The following RANBP9 variants were observed in gnomAD, a reference collection of about 807,000 sequenced individuals.
The protein encoded by RANBP9 is ran-binding protein 9.
In RANBP9, 15 loss-of-function variants were observed where a neutral mutation model predicts 84.3. The ratio of observed to expected loss-of-function variants is 0.18; its 90% CI spans 0.12 to 0.27. The LOEUF (loss-of-function observed/expected upper bound fraction) is 0.27, where lower values mean the gene tolerates loss of function less well. RANBP9 is among the 10% of genes least tolerant of loss of function. The pLI, the probability that RANBP9 is intolerant of heterozygous loss-of-function variation, is 1.00. For missense variants in RANBP9, 809 were observed against 912.8 expected (o/e 0.89, Z 1.46); for synonymous variants, 392 against 349.6 (o/e 1.12, Z -1.35).
intron 11 of RANBP9, 59 bp downstream of exon 11, chr6:13,634,372 A>G (rs767847348): frequency 9.6e-6 from 15 of 1,568,732 alleles, no homozygotes; most frequent in Non-Finnish European, 1.2e-5. Context: ...AGTACAAGTA[A>G]AAACATAACC....
At chr6:13,630,955 G>A (rs1056221289) in intron 12 of RANBP9, among the ~76,000 whole-genome samples, 3 of 151,698 alleles carry the variant, frequency 2.0e-5, no homozygotes, top group Non-Finnish European at 2.9e-5. Flanking sequence ...GACTACCGGC[G>A]CCCGCCACCA....
At chr6:13,650,532 C>A (rs1765273128) in intron 5 of RANBP9, among the ~76,000 whole-genome samples, 1 of 152,120 alleles carries the variant, frequency 6.6e-6, no homozygotes, top group African/African-American at 2.4e-5. Flanking sequence ...TCAATGCCTG[C>A]ACAGGAGCGA....
At chr6:13,649,024 A>G (rs992434109) in intron 5 of RANBP9, among the ~76,000 whole-genome samples, 4 of 152,226 alleles carry the variant, frequency 2.6e-5, no homozygotes, top group African/African-American at 9.6e-5. Flanking sequence ...CTTATATTCC[A>G]TAACAGGTGC....
rs1014677118 is a variant in RANBP9, at chr6:13,621,532, A to T, written c.*830T>A. 6.5e-6 allele frequency: 1 copy of T among 152,678 alleles called. No individual in the cohort carries two copies. The highest frequency in any genetic ancestry group is 2.4e-5 in the African/African-American group (1 of 41,450). 9.5% of individuals were successfully genotyped at this position (152,678 alleles called of 1,614,324 possible). A position where few individuals can be genotyped will look rare whatever the true frequency, so the allele number is the denominator to read the frequency against. On this transcript the variant is annotated 3_prime_UTR_variant, in exon 14 of 14. Transcript: ENST00000011619. Reference sequence around the variant, plus strand: ...GTAAATTTTTAATGGCTGGTTAATTATATCACTACATTTTATTGCAATATA... The same window carrying T: ...GTAAATTTTTAATGGCTGGTTAATTTTATCACTACATTTTATTGCAATATA...
At chr6:13,693,290 T>A (rs920509621) in intron 2 of RANBP9, among the ~76,000 whole-genome samples, 1 of 152,116 alleles carries the variant, frequency 6.6e-6, no homozygotes, top group Non-Finnish European at 1.5e-5. Flanking sequence ...GAAGAGCAGG[T>A]GAGAATTAGG....
At chr6:13,677,454 T>G (rs1765918635) in intron 2 of RANBP9, among the ~76,000 whole-genome samples, 1 of 152,194 alleles carries the variant, frequency 6.6e-6, no homozygotes, top group South Asian at 2.1e-4. Context: ...ACTGACACAG[T>G]AAGAGGGATC....
chr6:13,655,416 G>A (rs904786177), intron 4 of RANBP9, among the ~76,000 whole-genome samples: 3 of 152,170 alleles, frequency 2.0e-5, no homozygotes, highest in Non-Finnish European at 4.4e-5. Flanking sequence ...GTTCTGAGCC[G>A]AGATCACATC....
chr6:13,710,472 T>C (rs1758246917), intron 1 of RANBP9, among the ~76,000 whole-genome samples: 4 of 152,184 alleles, frequency 2.6e-5, no homozygotes, highest in Admixed American at 2.6e-4. Context: ...TGTGTATCCC[T>C]GCTCTCTCTT....
At chr6:13,708,225 T>C (rs1435519005) in intron 1 of RANBP9, among the ~76,000 whole-genome samples, 1 of 151,818 alleles carries the variant, frequency 6.6e-6, no homozygotes, top group Non-Finnish European at 1.5e-5. Context: ...CATTCAACAC[T>C]AGCCTAGGCA....
intron 2 of RANBP9, among the ~76,000 whole-genome samples, chr6:13,664,047 G>T (rs1437300249): frequency 6.6e-6 from 1 of 151,964 alleles, no homozygotes; most frequent in Non-Finnish European, 1.5e-5. Flanking sequence ...GCAAAAAAGA[G>T]AAATAAAATG....
intron 3 of RANBP9, among the ~76,000 whole-genome samples, chr6:13,657,899 T>C (rs1053421897): frequency 6.6e-6 from 1 of 152,216 alleles, no homozygotes; most frequent in Non-Finnish European, 1.5e-5. Context: ...TACAATCAGA[T>C]GCAACTACAT....
chr6:13,656,786 G>A (rs917888616), intron 4 of RANBP9, among the ~76,000 whole-genome samples: 4 of 152,132 alleles, frequency 2.6e-5, no homozygotes, highest in African/African-American at 9.7e-5. Context: ...GTTACCCAGA[G>A]AATTAGATTA....
At chr6:13,666,257 A>G (rs2113298485) in intron 2 of RANBP9, among the ~76,000 whole-genome samples, 1 of 152,272 alleles carries the variant, frequency 6.6e-6, no homozygotes, top group South Asian at 2.1e-4. Context: ...TCAACTGATG[A>G]AAAGAGGAAT....
At chr6:13,651,595 G>A (rs1400214779) in intron 5 of RANBP9, among the ~76,000 whole-genome samples, 1 of 151,194 alleles carries the variant, frequency 6.6e-6, no homozygotes, top group East Asian at 1.9e-4. Flanking sequence ...AGAGACGGGG[G>A]TTCACCGTGT....
chr6:13,695,307 A>C (rs549804335), intron 2 of RANBP9, among the ~76,000 whole-genome samples: 181 of 152,068 alleles, frequency 1.2e-3, no homozygotes, highest in African/African-American at 4.2e-3. Context: ...TAAATAATTG[A>C]GATCTGACAA....
chr6:13,630,777 T>C (rs1422566644), intron 12 of RANBP9, among the ~76,000 whole-genome samples: 1 of 152,194 alleles, frequency 6.6e-6, no homozygotes, highest in African/African-American at 2.4e-5. Context: ...ACAGCTCACC[T>C]ATTAAACCAA....
chr6:13,710,783 G>T, intron 1 of RANBP9, 152 bp downstream of exon 1: 1 of 773,884 alleles, frequency 1.3e-6, no homozygotes, highest in Non-Finnish European at 2.0e-6. Context: ...CGCGACCCCC[G>T]CGCCCACCCG....
intron 5 of RANBP9, among the ~76,000 whole-genome samples, chr6:13,650,188 G>A (rs1461740982): frequency 6.7e-6 from 1 of 149,118 alleles, no homozygotes; most frequent in African/African-American, 2.5e-5. Context: ...TTTAGTAGAG[G>A]TGAGATCTCA....
chr6:13,638,058 T>C (rs903606164), intron 9 of RANBP9, 103 bp from the exon 10 acceptor site: 222 of 1,078,834 alleles, frequency 2.1e-4, no homozygotes, highest in Non-Finnish European at 2.7e-4. Flanking sequence ...TTCTAGAACG[T>C]AGGAGAGTCA....
Sources: gnomAD v4.1 joint callset for allele counts (sites outside exome capture counted in the v4.1 genomes callset) on GRCh38, gnomAD v4.1.1 for gene constraint, MANE v1.5 for transcripts, NCBI Gene and HGNC (gene_info 2026-07-23, HGNC 2026-07-21) for gene names.